BICC1: variants seen among roughly 807,000 people sequenced by gnomAD.
BICC1 encodes BicC family RNA binding protein 1.
Under a neutral mutation model 111.0 loss-of-function variants are expected in BICC1, and 43 were observed. The ratio of observed to expected loss-of-function variants is 0.39; its 90% CI spans 0.30 to 0.50. The LOEUF is 0.50. BICC1 is among the 20% of genes least tolerant of loss of function. The probability of loss-of-function intolerance (pLI) is 0.88; values close to 1 mark genes in which losing one functional copy is unlikely to be tolerated. For synonymous variants in BICC1, 467 were observed against 434.4 expected (o/e 1.07, Z -0.93); for missense variants, 1,091 against 1,203.2 (o/e 0.91, Z 1.38).
intron 3 of BICC1, among the ~76,000 whole-genome samples, chr10:58,731,893 A>G (rs1841310660): frequency 6.6e-6 from 1 of 152,236 alleles, no homozygotes; most frequent in African/African-American, 2.4e-5. Context: ...TACCTCCAAC[A>G]TTGGAGATTA....
At chr10:58,551,003 A>G (rs1414059258) in intron 1 of BICC1, among the ~76,000 whole-genome samples, 1 of 152,196 alleles carries the variant, frequency 6.6e-6, no homozygotes, top group South Asian at 2.1e-4. Context: ...TTTAAGTGAC[A>G]TTGAGAATGC....
chr10:58,800,785 A>G (rs923609387), intron 13 of BICC1, 105 bp from the exon 14 acceptor site: 1 of 1,133,160 alleles, frequency 8.8e-7, no homozygotes, highest in East Asian at 2.6e-5. Flanking sequence ...CAGGTTAATC[A>G]TGTCTCCATA....
chr10:58,572,461 T>C (rs148058373), intron 1 of BICC1, among the ~76,000 whole-genome samples: 3 of 152,288 alleles, frequency 2.0e-5, no homozygotes, highest in African/African-American at 7.2e-5. Flanking sequence ...GGACAAGCAG[T>C]ACACTATTTT....
chr10:58,737,215 A>G (rs1298281598), intron 3 of BICC1, among the ~76,000 whole-genome samples: 1 of 152,112 alleles, frequency 6.6e-6, no homozygotes, highest in East Asian at 1.9e-4. Context: ...GTCATTTAAC[A>G]TTAGGTATAT....
chr10:58,683,095 A>C (rs916857533), intron 2 of BICC1, among the ~76,000 whole-genome samples: 19 of 152,200 alleles, frequency 1.2e-4, no homozygotes, highest in South Asian at 8.3e-4. Flanking sequence ...TCAGCTTTCT[A>C]CATATGGCTA....
chr10:58,810,127 G>A (rs1046215749), intron 17 of BICC1, among the ~76,000 whole-genome samples: 1 of 152,234 alleles, frequency 6.6e-6, no homozygotes, highest in Admixed American at 6.5e-5. Flanking sequence ...GTAACCCTAT[G>A]GGGATAAGGG....
intron 17 of BICC1, among the ~76,000 whole-genome samples, chr10:58,808,545 G>A (rs1843787869): frequency 6.6e-6 from 1 of 152,028 alleles, no homozygotes; most frequent in South Asian, 2.1e-4. Context: ...TTCGGTAATG[G>A]AGTGGTCAAG....
At chr10:58,536,734 AG>A (rs1229953902) in intron 1 of BICC1, among the ~76,000 whole-genome samples, 1 of 151,674 alleles carries the variant, frequency 6.6e-6, no homozygotes, top group African/African-American at 2.4e-5. Flanking sequence ...GAAATTGAAA[AG>A]ACAGTACAAA....
At chr10:58,684,100 G>T (rs964415889) in intron 2 of BICC1, among the ~76,000 whole-genome samples, 2 of 152,084 alleles carry the variant, frequency 1.3e-5, no homozygotes, top group African/African-American at 2.4e-5. Context: ...GTTGAATTTC[G>T]TCGAAGGCCT....
intron 1 of BICC1, among the ~76,000 whole-genome samples, chr10:58,616,221 G>A (rs1329483657): frequency 6.6e-6 from 1 of 152,208 alleles, no homozygotes; most frequent in Non-Finnish European, 1.5e-5. Flanking sequence ...AGACCGAGGG[G>A]TCTGCTCCAT....
At chr10:58,579,299 C>T (rs1419612714) in intron 1 of BICC1, among the ~76,000 whole-genome samples, 1 of 152,174 alleles carries the variant, frequency 6.6e-6, no homozygotes, top group Non-Finnish European at 1.5e-5. Context: ...AGAGAAGACA[C>T]TTTAACTTTA....
chr10:58,589,493 A>T, intron 1 of BICC1, among the ~76,000 whole-genome samples: 1 of 151,008 alleles, frequency 6.6e-6, no homozygotes, highest in Middle Eastern at 3.4e-3. Context: ...ATTTTTTGAG[A>T]CAAGATCTCA....
intron 8 of BICC1, 53 bp from the exon 9 acceptor site, chr10:58,793,431 G>A (rs1206734300): frequency 4.6e-6 from 7 of 1,515,620 alleles, no homozygotes; most frequent in Non-Finnish European, 3.6e-6. Context: ...ATTATCAGGT[G>A]TTTAAATGAT....
At chr10:58,809,175 A>G (rs754003404) in intron 17 of BICC1, among the ~76,000 whole-genome samples, 6 of 150,712 alleles carry the variant, frequency 4.0e-5, no homozygotes, top group Non-Finnish European at 8.8e-5. Flanking sequence ...GGCATGCGCC[A>G]CAACGCTCAG....
chr10:58,817,410 A>G (rs1440283893), intron 18 of BICC1, 152 bp from the exon 19 acceptor site: 3 of 816,936 alleles, frequency 3.7e-6, no homozygotes, highest in South Asian at 3.3e-5. Flanking sequence ...TGGAAAGCCA[A>G]TATTTCAGTA....
At chr10:58,526,711 G>A (rs1392753858) in intron 1 of BICC1, among the ~76,000 whole-genome samples, 1 of 152,146 alleles carries the variant, frequency 6.6e-6, no homozygotes, top group East Asian at 1.9e-4. Flanking sequence ...AGTTTGCTGA[G>A]AATGATGGTT....
chr10:58,548,461 T>C (rs1843198982), intron 1 of BICC1, among the ~76,000 whole-genome samples: 1 of 152,236 alleles, frequency 6.6e-6, no homozygotes, highest in Non-Finnish European at 1.5e-5. Context: ...CACCACAGCC[T>C]GCATTCCATC....
At chr10:58,657,012 T>A (rs1406672429) in intron 2 of BICC1, among the ~76,000 whole-genome samples, 1 of 152,142 alleles carries the variant, frequency 6.6e-6, no homozygotes, top group East Asian at 1.9e-4. Flanking sequence ...GAGGCACTTC[T>A]ACCTTCTGCG....
intron 1 of BICC1, among the ~76,000 whole-genome samples, chr10:58,544,472 A>G (rs1843081544): frequency 6.6e-6 from 1 of 152,158 alleles, no homozygotes; most frequent in African/African-American, 2.4e-5. Flanking sequence ...CCTCCCTTGG[A>G]AAATATGTCC....
Sources: gnomAD v4.1 joint callset for allele counts (sites outside exome capture counted in the v4.1 genomes callset) on GRCh38, gnomAD v4.1.1 for gene constraint, MANE v1.5 for transcripts, NCBI Gene and HGNC (gene_info 2026-07-23, HGNC 2026-07-21) for gene names.